STXBP6: variants seen among roughly 807,000 people sequenced by gnomAD.
STXBP6 encodes the protein syntaxin binding protein 6, also known as syntaxin-binding protein 6.
STXBP6 carries 21 observed loss-of-function variants against 26.9 expected under a neutral mutation model. The observed-to-expected ratio is 0.78, with a 90% confidence interval of 0.55 to 1.12. STXBP6 has a LOEUF of 1.12. Among genes scored for constraint, STXBP6 ranks in the 50% most tolerant of loss-of-function variants. The pLI is 0.00. For synonymous variants in STXBP6, 97 were observed against 92.6 expected (o/e 1.05, Z -0.27); for missense variants, 232 against 257.9 (o/e 0.90, Z 0.69).
chr14:25,018,097 T>C (rs755041743), intron 1 of STXBP6, among the ~76,000 whole-genome samples: 3 of 152,212 alleles, frequency 2.0e-5, no homozygotes, highest in Non-Finnish European at 4.4e-5. Flanking sequence ...GATCTTTGTA[T>C]GTCTTCCTTT....
intron 2 of STXBP6, among the ~76,000 whole-genome samples, chr14:24,902,750 C>T (rs2071257458): frequency 6.6e-6 from 1 of 152,134 alleles, no homozygotes; most frequent in African/African-American, 2.4e-5. Context: ...AGAAATAAAA[C>T]CCCATAATAT....
chr14:24,995,273 G>A (rs2038631515), intron 1 of STXBP6, among the ~76,000 whole-genome samples: 3 of 152,028 alleles, frequency 2.0e-5, no homozygotes, highest in Admixed American at 1.3e-4. Flanking sequence ...ATCTGCCCTC[G>A]TGACCTAGTC....
chr14:24,906,728 C>T (rs1338846369), intron 2 of STXBP6, among the ~76,000 whole-genome samples: 3 of 152,094 alleles, frequency 2.0e-5, no homozygotes, highest in African/African-American at 7.2e-5. Flanking sequence ...ATTGCTAAGT[C>T]AAATTTCTAA....
intron 2 of STXBP6, among the ~76,000 whole-genome samples, chr14:24,864,740 T>C (rs1040052801): frequency 1.6e-4 from 24 of 152,172 alleles, no homozygotes; most frequent in Non-Finnish European, 3.2e-4. Context: ...TGTTATTACT[T>C]GGCAAGCATA....
At chr14:24,911,196 G>A (rs112453915) in intron 2 of STXBP6, among the ~76,000 whole-genome samples, 2,659 of 151,874 alleles carry the variant, frequency 0.018, 60 homozygotes, top group African/African-American at 0.06. Flanking sequence ...AATTATCCAG[G>A]CATACTGGCA....
chr14:24,840,941 T>C (rs922665912), intron 4 of STXBP6, among the ~76,000 whole-genome samples: 7 of 152,238 alleles, frequency 4.6e-5, no homozygotes. Flanking sequence ...GTATTCCTTA[T>C]TACTTTTGTT....
intron 2 of STXBP6, among the ~76,000 whole-genome samples, chr14:24,959,241 G>GA (rs780767767): frequency 6.6e-6 from 1 of 152,184 alleles, no homozygotes; most frequent in South Asian, 2.1e-4. Context: ...TCGCTCTGAG[G>GA]AACTGTGTTT....
intron 2 of STXBP6, among the ~76,000 whole-genome samples, chr14:24,910,778 C>T (rs770324103): frequency 6.6e-6 from 1 of 152,154 alleles, no homozygotes; most frequent in Non-Finnish European, 1.5e-5. Context: ...ACAACCACTA[C>T]CACGCAGAAT....
chr14:24,969,811 C>T (rs2073847618), intron 2 of STXBP6, among the ~76,000 whole-genome samples: 1 of 152,178 alleles, frequency 6.6e-6, no homozygotes, highest in African/African-American at 2.4e-5. Flanking sequence ...CTGCTTCTAT[C>T]AGAGTGTTCA....
chr14:25,046,720 C>T (rs949698853), intron 1 of STXBP6, among the ~76,000 whole-genome samples: 2 of 152,200 alleles, frequency 1.3e-5, no homozygotes, highest in African/African-American at 4.8e-5. Context: ...TTCAAGGCCA[C>T]AGTCTAGGTC....
intron 2 of STXBP6, among the ~76,000 whole-genome samples, chr14:24,973,654 G>C (rs2073966961): frequency 6.6e-6 from 1 of 152,026 alleles, no homozygotes; most frequent in African/African-American, 2.4e-5. Context: ...CCAAAGTGCT[G>C]AGCATTATAG....
chr14:25,045,892 G>A (rs932912084), intron 1 of STXBP6, among the ~76,000 whole-genome samples: 3 of 152,178 alleles, frequency 2.0e-5, no homozygotes, highest in Non-Finnish European at 4.4e-5. Context: ...ACAGGTGTGA[G>A]CCACTGCACC....
rs2075772377 is a variant in STXBP6 at position 25,049,491 on chromosome 14, G to C, written c.-33+387C>G. On this transcript the variant is annotated intron_variant, in intron 1 of 5. Transcript: ENST00000323944. The surrounding 1 kb of genome is among the most constrained non-coding windows in gnomAD (Gnocchi z 5.6). ...CAGCGACCCCGAGCTCCCCCACACT[G>C]GGAGCCTCGGGGCAGCATTCTCGGG... The C allele has an allele frequency of 1.0e-6, 1 of 985,408 alleles. No homozygotes were observed. Among genetic ancestry groups the C allele is most frequent in the South Asian group, 4.7e-5 (1 of 21,288 alleles). 61.0% of individuals were successfully genotyped at this position (985,408 alleles called of 1,614,324 possible). A position where few individuals can be genotyped will look rare whatever the true frequency, so the allele number is the denominator to read the frequency against.
chr14:24,909,116 G>A (rs1210385762), intron 2 of STXBP6, among the ~76,000 whole-genome samples: 1 of 152,190 alleles, frequency 6.6e-6, no homozygotes, highest in African/African-American at 2.4e-5. Flanking sequence ...AAATTTGTTC[G>A]AATCTGCATT....
At chr14:24,957,860 T>C (rs1410406475) in intron 2 of STXBP6, among the ~76,000 whole-genome samples, 1 of 152,224 alleles carries the variant, frequency 6.6e-6, no homozygotes, top group Non-Finnish European at 1.5e-5. Context: ...TCTTACACAG[T>C]TACTTCTGAT....
intron 2 of STXBP6, among the ~76,000 whole-genome samples, chr14:24,911,134 G>A (rs2139721950): frequency 6.6e-6 from 1 of 152,094 alleles, no homozygotes; most frequent in South Asian, 2.1e-4. Context: ...AGACCAACCT[G>A]GGCAACATAG....
chr14:24,899,783 AAAAAAAAAAAAAAAAAGC>A (rs1485461551), intron 2 of STXBP6, among the ~76,000 whole-genome samples: 7 of 98,648 alleles, frequency 7.1e-5, no homozygotes, highest in African/African-American at 3.4e-4. Flanking sequence ...TACATTTCAA[AAAAAAAAAAAAAAAAAGC>A]AAAAAAAAAA....
intron 1 of STXBP6, among the ~76,000 whole-genome samples, chr14:24,987,184 G>A (rs749756057): frequency 2.0e-5 from 3 of 152,250 alleles, no homozygotes; most frequent in Non-Finnish European, 4.4e-5. Flanking sequence ...AAATGTGATC[G>A]GGATCACCAT....
chr14:24,867,309 C>G (rs2069758381), intron 2 of STXBP6, among the ~76,000 whole-genome samples: 1 of 152,082 alleles, frequency 6.6e-6, no homozygotes, highest in South Asian at 2.1e-4. Flanking sequence ...GTGTCTTGAT[C>G]TTGATCTTGA....
Sources: allele counts gnomAD v4.1 joint callset (sites outside exome capture counted in the v4.1 genomes callset), GRCh38; gene constraint gnomAD v4.1.1; non-coding constraint Gnocchi (gnomAD v3.1); transcripts MANE v1.5; gene names NCBI Gene and HGNC (gene_info 2026-07-23, HGNC 2026-07-21).